INPP5B: variants seen among roughly 807,000 people sequenced by gnomAD.
The protein encoded by INPP5B is type II inositol 1,4,5-trisphosphate 5-phosphatase.
INPP5B carries 90 observed loss-of-function variants against 118.5 expected under a neutral mutation model. The ratio of observed to expected loss-of-function variants is 0.76; its 90% CI spans 0.64 to 0.90. The LOEUF (loss-of-function observed/expected upper bound fraction) is 0.90, where lower values mean the gene tolerates loss of function less well. Ranked by LOEUF, INPP5B falls within the 40% of genes least tolerant of loss-of-function variation. The pLI is 0.00. For missense variants in INPP5B, 984 were observed against 1,125.6 expected, an observed-to-expected ratio of 0.87 and a Z score of 1.80; for synonymous variants, 385 against 418.9, an observed-to-expected ratio of 0.92 and a Z score of 0.99.
At chr1:37,915,379 C>T (rs1406306742) in intron 7 of INPP5B, among the ~76,000 whole-genome samples, 3 of 152,200 alleles carry the variant, frequency 2.0e-5, no homozygotes, top group Non-Finnish European at 4.4e-5. Context: ...GTATAACTTA[C>T]GAAGAGTAAT....
intron 2 of INPP5B, 73 bp from the exon 3 acceptor site, chr1:37,945,923 C>T (rs1646095546): frequency 7.4e-7 from 1 of 1,358,510 alleles, no homozygotes; most frequent in East Asian, 2.3e-5. Context: ...CACCTTCCCT[C>T]TGTTCCCCTG....
chr1:37,931,741 T>C, intron 7 of INPP5B, 172 bp downstream of exon 7: 1 of 1,594,468 alleles, frequency 6.3e-7, no homozygotes, highest in Admixed American at 1.7e-5. Flanking sequence ...AAGCTCCTCA[T>C]CCCGCCGCCC....
At chr1:37,926,968 GA>G (rs368907389) in intron 7 of INPP5B, among the ~76,000 whole-genome samples, 2 of 150,678 alleles carry the variant, frequency 1.3e-5, no homozygotes, top group African/African-American at 4.9e-5. Context: ...TGGTTAGGAA[GA>G]AAAAAAAAGA....
At chr1:37,883,257 C>G in intron 13 of INPP5B, 1 of 985,410 alleles carries the variant, frequency 1.0e-6, no homozygotes, top group Non-Finnish European at 1.2e-6. Context: ...GAGAGTCACG[C>G]CAATCACCCA....
At chr1:37,934,098 T>C (rs1188841235) in intron 6 of INPP5B, among the ~76,000 whole-genome samples, 1 of 151,954 alleles carries the variant, frequency 6.6e-6, no homozygotes, top group Non-Finnish European at 1.5e-5. Flanking sequence ...CACGCCTGGC[T>C]AATTTTTGTA....
chr1:37,862,329 A>G lies in INPP5B; in HGVS notation c.2728T>C (p.Cys910Arg), dbSNP rs1176770611. The G allele has an allele frequency of 6.2e-7, 1 of 1,612,026 alleles. No individual in the cohort carries two copies. Among genetic ancestry groups the G allele is most frequent in the East Asian group, 2.2e-5 (1 of 44,876 alleles). ...KAQEFIHQFLCNPL is the reference protein window; with the variant it reads ...KAQEFIHQFLRNPL ...GAGAGAGAGGCTCAGAGTGGGTTGCAGAGGAACTGGTGAATAAATTCTTGA... is the reference window on the plus strand; with the variant it reads ...GAGAGAGAGGCTCAGAGTGGGTTGCGGAGGAACTGGTGAATAAATTCTTGA... The change falls in exon 24 of 24, where the codon TGC (cysteine) becomes CGC (arginine). Residue 910 changes from cysteine to arginine, a missense_variant. Around this residue, in one of 2 missense-constraint regions of INPP5B, gnomAD observed 634 missense variants for 791.0 expected, o/e 0.80. Transcript: ENST00000373024.
chr1:37,925,045 A>C (rs35347111), intron 7 of INPP5B, among the ~76,000 whole-genome samples: 14,813 of 152,202 alleles, frequency 0.097, 883 homozygotes, highest in East Asian at 0.17. Flanking sequence ...ATGTTAGCAC[A>C]TGCCTGTAAT....
intron 8 of INPP5B, among the ~76,000 whole-genome samples, chr1:37,891,081 C>T (rs1260234632): frequency 2.0e-5 from 3 of 151,846 alleles, no homozygotes; most frequent in Admixed American, 6.6e-5. Context: ...ACAAAATTAG[C>T]CAGGTGTGGT....
At chr1:37,945,425 C>A (rs1344071741) in intron 3 of INPP5B, among the ~76,000 whole-genome samples, 3 of 152,136 alleles carry the variant, frequency 2.0e-5, no homozygotes, top group Admixed American at 2.0e-4. Context: ...GACCAAGACT[C>A]CTTCTCAAAA....
chr1:37,944,784 G>A (rs970253404), intron 3 of INPP5B, among the ~76,000 whole-genome samples: 3 of 151,578 alleles, frequency 2.0e-5, no homozygotes, highest in Non-Finnish European at 4.4e-5. Context: ...GCCGGGGAGC[G>A]GGAGGTGGGG....
At chr1:37,911,575 C>G (rs1484413626) in intron 7 of INPP5B, among the ~76,000 whole-genome samples, 2 of 152,126 alleles carry the variant, frequency 1.3e-5, no homozygotes, top group Non-Finnish European at 2.9e-5. Context: ...CACTCTGACC[C>G]CCTCCACTAC....
Position 37,866,518 on chromosome 1 carries a change from A to G in INPP5B, c.2327T>C (p.Leu776Pro). 6.2e-7 allele frequency: 1 copy of G among 1,609,806 alleles called. No individual in the cohort carries two copies. Among genetic ancestry groups the G allele is most frequent in the Non-Finnish European group, 8.5e-7 (1 of 1,176,198 alleles). The change falls in exon 21 of 24, where the codon CTG (leucine) becomes CCG (proline). Residue 776 changes from leucine (L) to proline (P), a missense_variant. Coordinates refer to ENST00000373024, the MANE Select transcript of INPP5B (RefSeq NM_005540.3). ...QQEDLFQQPG[L>P]RSEFEHIRDC... ...CCTGATATGTTCAAATTCTGACCTC[A>G]GGCCTGGTTGCTGAAACAGATCTTC... is the stretch of plus-strand genomic sequence containing the variant.
At chr1:37,866,406 T>TCTCACACACACACA (rs748938943) in intron 21 of INPP5B, 53 bp downstream of exon 21, 495 of 404,184 alleles carry the variant, frequency 1.2e-3, no homozygotes, top group East Asian at 5.8e-3. Flanking sequence ...TCTCTCTCTC[T>TCTCACACACACACA]CACACACACA....
chr1:37,906,041 G>C (rs1644492634), intron 7 of INPP5B, among the ~76,000 whole-genome samples: 1 of 152,160 alleles, frequency 6.6e-6, no homozygotes, highest in African/African-American at 2.4e-5. Flanking sequence ...ATAATTATTT[G>C]CATAAGTGCA....
intron 7 of INPP5B, among the ~76,000 whole-genome samples, chr1:37,922,981 T>C (rs1223943385): frequency 6.6e-6 from 1 of 152,176 alleles, no homozygotes; most frequent in South Asian, 2.1e-4. Flanking sequence ...CTGTGAACTG[T>C]CTGTGGTCTG....
intron 7 of INPP5B, among the ~76,000 whole-genome samples, chr1:37,927,369 C>G (rs1645269876): frequency 6.6e-6 from 1 of 152,026 alleles, no homozygotes; most frequent in South Asian, 2.1e-4. Flanking sequence ...AACTACCAAT[C>G]TAAAGTCAGT....
intron 3 of INPP5B, among the ~76,000 whole-genome samples, chr1:37,945,053 G>A (rs2148704626): frequency 6.6e-6 from 1 of 152,260 alleles, no homozygotes; most frequent in South Asian, 2.1e-4. Flanking sequence ...AGAATGACCT[G>A]AGGCCAGGAG....
chr1:37,945,594 C>G lies in INPP5B; in HGVS notation c.152+162G>C, dbSNP rs74067341. ...TGAGGATTATGAGTTAGTACGTGTG[C>G]AGGGTTTAAAATATAGTGTTCAAAA... On this transcript the variant is annotated intron_variant, in intron 3 of 23. Transcript: ENST00000373024. Among the ~76,000 whole-genome samples, 515 of 152,306 alleles carry G rather than the reference C, an allele frequency of 3.4e-3. 2 individuals carry two copies. The highest frequency in any genetic ancestry group is 0.012 in the African/African-American group (493 of 41,562).
At chr1:37,879,831 T>C (rs1643084403) in intron 15 of INPP5B, among the ~76,000 whole-genome samples, 1 of 152,168 alleles carries the variant, frequency 6.6e-6, no homozygotes, top group Non-Finnish European at 1.5e-5. Flanking sequence ...TGGAATCATC[T>C]CATCCTAGGC....
Sources: allele counts gnomAD v4.1 joint callset (sites outside exome capture counted in the v4.1 genomes callset), GRCh38; gene constraint gnomAD v4.1.1; regional missense constraint gnomAD v4.1.1; transcripts MANE v1.5; gene names NCBI Gene and HGNC (gene_info 2026-07-23, HGNC 2026-07-21).